The following ANKRD28 variants were observed in gnomAD, a reference collection of about 807,000 sequenced individuals.
ANKRD28 encodes the protein ankyrin repeat domain 28.
A neutral mutation model predicts 126.5 loss-of-function variants in ANKRD28; 44 were observed. The observed-to-expected ratio is 0.35, with a 90% CI of 0.27 to 0.45. The LOEUF is 0.45. Among genes scored for constraint, ANKRD28 ranks in the 20% least tolerant of loss-of-function variants. The probability of loss-of-function intolerance (pLI) is 1.00; values close to 1 mark genes in which losing one functional copy is unlikely to be tolerated. For synonymous variants in ANKRD28, 442 were observed against 468.5 expected, an observed-to-expected ratio of 0.94 and a Z score of 0.73; for missense variants, 1,110 against 1,316.6, an observed-to-expected ratio of 0.84 and a Z score of 2.43.
intron 2 of ANKRD28, among the ~76,000 whole-genome samples, chr3:15,776,077 G>C (rs1222108638): frequency 6.6e-6 from 1 of 152,030 alleles, no homozygotes; most frequent in Admixed American, 6.6e-5. Flanking sequence ...AAATTACAAG[G>C]GTTTTTTAGA....
At position 15,677,466 on chromosome 3, in the gene ANKRD28, A is replaced by G; in HGVS notation, c.2790+14T>C. 6.3e-7 allele frequency: 1 copy of G among 1,584,368 alleles called. No homozygotes were observed. Among genetic ancestry groups the G allele is most frequent in the South Asian group, 1.1e-5 (1 of 89,452 alleles). On this transcript the variant is annotated intron_variant, in intron 25 of 27. Coordinates refer to ENST00000683139, the MANE Select transcript of ANKRD28 (RefSeq NM_001349278.2). ...TATTAACAATGGAAACATATTCTTA[A>G]GATGTATACATACCTTGCTACAAGC...
At chr3:15,678,172 TA>T in intron 24 of ANKRD28, 36 bp downstream of exon 24, 1 of 1,564,468 alleles carries the variant, frequency 6.4e-7, no homozygotes, top group Non-Finnish European at 8.6e-7. Flanking sequence ...GTGATACACA[TA>T]CTTAGGAAAA....
chr3:15,735,492 G>T lies in ANKRD28; in HGVS notation c.558C>A (p.Val186=). The T allele has an allele frequency of 1.9e-6, 3 of 1,551,972 alleles. No individual in the cohort carries two copies. In the South Asian group the frequency reaches 3.6e-5, roughly 18 times the overall value. ...TGGCACCTCTAGACAAGAGTAGTTTGACCATCTGGAATAGAAGTAAACACA... is the reference window on the plus strand; with the variant it reads ...TGGCACCTCTAGACAAGAGTAGTTTTACCATCTGGAATAGAAGTAAACACA... ...HAAFSGHGEM[V]KLLLSRGANI... Residue 186 remains valine, a synonymous_variant, in exon 6 of 28, where the codon GTC becomes GTA. Coordinates refer to ENST00000683139, the MANE Select transcript of ANKRD28 (RefSeq NM_001349278.2).
Position 15,678,403 on chromosome 3 carries a change from A to G in ANKRD28, c.2562-49T>C, listed in dbSNP as rs764063969. On this transcript the variant is annotated intron_variant, in intron 23 of 27. Coordinates refer to ENST00000683139, the MANE Select transcript of ANKRD28 (RefSeq NM_001349278.2). ...ATATGACTAAATTTGAATGTTATAT[A>G]TGCTGGAAAAATATTCTTTAATTTG... The G allele has an allele frequency of 2.6e-5, 40 of 1,520,498 alleles. 1 individual carries two copies. In the Middle Eastern group the frequency reaches 8.7e-4, roughly 33 times the overall value. 94.2% of individuals were successfully genotyped at this position (1,520,498 alleles called of 1,614,324 possible).
At chr3:15,836,661 T>C (rs1019835950) in intron 1 of ANKRD28, among the ~76,000 whole-genome samples, 2 of 152,042 alleles carry the variant, frequency 1.3e-5, no homozygotes, top group Non-Finnish European at 2.9e-5. Flanking sequence ...ATAAGAGAGC[T>C]GAAGGAGTTA....
intron 27 of ANKRD28, among the ~76,000 whole-genome samples, chr3:15,674,845 GATCT>G (rs2066769377): frequency 6.6e-6 from 1 of 152,168 alleles, no homozygotes; most frequent in Middle Eastern, 3.2e-3. Flanking sequence ...GCCAAAAGCT[GATCT>G]ATCAAGTAAA....
At position 15,724,544 on chromosome 3, in the gene ANKRD28, G is replaced by A. The variant is rs1341430893; in HGVS notation, c.641-20C>T. On this transcript the variant is annotated intron_variant, in intron 6 of 27. Coordinates refer to ENST00000683139, the MANE Select transcript of ANKRD28 (RefSeq NM_001349278.2). The stretch of plus-strand genomic sequence containing the variant: ...TGTGACCTAAAAATGTGTTTTTGAA[G>A]AAAAAAATAGAGATGAGCATATGAA... The A allele has an allele frequency of 2.0e-6, 3 of 1,537,922 alleles. No individual in the cohort carries two copies. The highest frequency in any genetic ancestry group is 2.2e-5 in the Admixed American group (1 of 46,176).
intron 2 of ANKRD28, 132 bp from the exon 3 acceptor site, chr3:15,766,444 T>G (rs2058742229): frequency 1.6e-6 from 1 of 607,660 alleles, no homozygotes; most frequent in African/African-American, 1.8e-5. Flanking sequence ...CTTCTATAAC[T>G]CTAGCCTAGT....
intron 2 of ANKRD28, among the ~76,000 whole-genome samples, chr3:15,790,256 TA>T (rs1191717976): frequency 6.6e-6 from 1 of 151,842 alleles, no homozygotes; most frequent in East Asian, 1.9e-4. Context: ...CAAAATATTC[TA>T]AAAAATAGAG....
At chr3:15,670,740 T>G (rs2066253551) in intron 27 of ANKRD28, among the ~76,000 whole-genome samples, 184 bp from the exon 28 acceptor site, 1 of 152,056 alleles carries the variant, frequency 6.6e-6, no homozygotes, top group South Asian at 2.1e-4. Flanking sequence ...CATAGAAACC[T>G]AGGGTGGAAG....
At chr3:15,806,886 A>T (rs993524301) in intron 1 of ANKRD28, among the ~76,000 whole-genome samples, 1 of 152,188 alleles carries the variant, frequency 6.6e-6, no homozygotes, top group Admixed American at 6.5e-5. Flanking sequence ...TATTAAACAC[A>T]TTTGTTAATA....
At chr3:15,680,664 T>C (rs914637082) in intron 21 of ANKRD28, among the ~76,000 whole-genome samples, 16 of 152,102 alleles carry the variant, frequency 1.1e-4, no homozygotes, top group African/African-American at 3.9e-4. Flanking sequence ...TATTTTTTTA[T>C]TTTATTAAAA....
intron 2 of ANKRD28, among the ~76,000 whole-genome samples, chr3:15,790,034 C>A (rs1221342995): frequency 6.6e-6 from 1 of 151,986 alleles, no homozygotes. Flanking sequence ...TGCTGATAAA[C>A]TGGAAAATAT....
intron 1 of ANKRD28, among the ~76,000 whole-genome samples, chr3:15,811,387 A>G (rs886763387): frequency 6.6e-6 from 1 of 152,210 alleles, no homozygotes; most frequent in African/African-American, 2.4e-5. Context: ...TTTGTGAAAT[A>G]AAAGGGCTTC....
At chr3:15,722,962 A>G (rs906211847) in intron 7 of ANKRD28, among the ~76,000 whole-genome samples, 1 of 152,162 alleles carries the variant, frequency 6.6e-6, no homozygotes, top group Non-Finnish European at 1.5e-5. Context: ...ACACCACACA[A>G]TTGGGGGCCA....
At chr3:15,825,681 C>T (rs946224938) in intron 1 of ANKRD28, among the ~76,000 whole-genome samples, 1 of 152,022 alleles carries the variant, frequency 6.6e-6, no homozygotes, top group African/African-American at 2.4e-5. Context: ...ACCCCTAAAA[C>T]AAAGTAGACT....
At chr3:15,740,620 T>G (rs1252066322) in intron 4 of ANKRD28, among the ~76,000 whole-genome samples, 1 of 152,186 alleles carries the variant, frequency 6.6e-6, no homozygotes, top group Non-Finnish European at 1.5e-5. Flanking sequence ...CACAGAATAC[T>G]AGAGATGTCA....
chr3:15,833,146 G>T lies in ANKRD28; in HGVS notation c.27+26231C>A, dbSNP rs1236440709. On this transcript the variant is annotated intron_variant, in intron 1 of 27. Transcript: ENST00000399451. The surrounding 1 kb of genome is among the most constrained non-coding windows in gnomAD (Gnocchi z 4.4). Reference sequence around the variant, plus strand: ...GAAGGATGCAAAGTATTGATCCAGGGTGTGTCTGTGAGGGTGCTGCCAAAG... The same window carrying T: ...GAAGGATGCAAAGTATTGATCCAGGTTGTGTCTGTGAGGGTGCTGCCAAAG... Among the ~76,000 whole-genome samples, 1 of 152,186 alleles carries T rather than the reference G, an allele frequency of 6.6e-6. No homozygotes were observed. Among genetic ancestry groups the T allele is most frequent in the African/African-American group, 2.4e-5 (1 of 41,438 alleles).
intron 1 of ANKRD28, among the ~76,000 whole-genome samples, chr3:15,855,001 A>G (rs1259844865): frequency 6.6e-6 from 1 of 152,140 alleles, no homozygotes; most frequent in Non-Finnish European, 1.5e-5. Context: ...ATGCGCCAAG[A>G]TCGTGCCGCT....
Sources: gnomAD v4.1 joint callset for allele counts (sites outside exome capture counted in the v4.1 genomes callset) on GRCh38, gnomAD v4.1.1 for gene constraint, Gnocchi (gnomAD v3.1) non-coding constraint, MANE v1.5 for transcripts, NCBI Gene and HGNC (gene_info 2026-07-23, HGNC 2026-07-21) for gene names.